The following TRIO variants were observed in gnomAD, a reference collection of about 807,000 sequenced individuals.
The protein encoded by TRIO is triple functional domain protein.
TRIO carries 58 observed loss-of-function variants against 351.9 expected under a neutral mutation model. That is an observed-to-expected ratio of 0.16 (90% CI 0.13 to 0.21). TRIO has a LOEUF of 0.21. TRIO is among the 10% of genes least tolerant of loss of function. The pLI is 1.00. For missense variants in TRIO, 3,201 were observed against 4,027.8 expected, an observed-to-expected ratio of 0.79 and a Z score of 5.56; for synonymous variants, 1,758 against 1,595.7, an observed-to-expected ratio of 1.10 and a Z score of -2.42.
At chr5:14,275,675 C>A (rs1260037861) in intron 2 of TRIO, among the ~76,000 whole-genome samples, 1 of 150,974 alleles carries the variant, frequency 6.6e-6, no homozygotes, top group Non-Finnish European at 1.5e-5. Flanking sequence ...CCGAGATAAA[C>A]AAAAATGTAA....
At chr5:14,477,270 T>G (rs1755152245) in intron 41 of TRIO, 2 of 249,130 alleles carry the variant, frequency 8.0e-6, no homozygotes, top group East Asian at 1.5e-4. Flanking sequence ...TGAGTGGAGA[T>G]GTAACTGTAC....
intron 1 of TRIO, among the ~76,000 whole-genome samples, chr5:14,211,799 G>T (rs957705967): frequency 1.5e-4 from 23 of 151,866 alleles, no homozygotes; most frequent in African/African-American, 5.1e-4. Flanking sequence ...AGTATAAAGA[G>T]AAATATAGTA....
chr5:14,183,225 C>T (rs1020371426), intron 1 of TRIO, among the ~76,000 whole-genome samples: 21 of 152,118 alleles, frequency 1.4e-4, no homozygotes, highest in Non-Finnish European at 7.4e-5. Flanking sequence ...TTCCCTTGCT[C>T]CCCTCCGTTG....
intron 8 of TRIO, among the ~76,000 whole-genome samples, chr5:14,312,535 G>A (rs1739018883): frequency 6.6e-6 from 1 of 152,196 alleles, no homozygotes; most frequent in Non-Finnish European, 1.5e-5. Flanking sequence ...ACTGAAAAAT[G>A]AGCTGATCTG....
chr5:14,392,724 C>T (rs1747201748), intron 27 of TRIO, among the ~76,000 whole-genome samples: 1 of 152,186 alleles, frequency 6.6e-6, no homozygotes, highest in Non-Finnish European at 1.5e-5. Context: ...GGCACATATA[C>T]ACCATGGAAT....
rs768279240 is a variant in TRIO at position 14,364,859 on chromosome 5, G to A, written c.2754+43G>A. 3.8e-5 allele frequency: 60 copies of A among 1,565,740 alleles called. 1 individual carries two copies. The Middle Eastern group carries it at 7.1e-4, about 19-fold the overall frequency. Reference sequence around the variant, plus strand: ...TGCTTGGGGAGGCTGCGCTACAGATGCTTGATACCTCATCGACTTCCCGGA... The same window carrying A: ...TGCTTGGGGAGGCTGCGCTACAGATACTTGATACCTCATCGACTTCCCGGA... On this transcript the variant is annotated intron_variant, in intron 15 of 56. Transcript: ENST00000344204.
intron 1 of TRIO, among the ~76,000 whole-genome samples, chr5:14,245,000 C>T (rs1006587242): frequency 1.1e-4 from 17 of 152,170 alleles, no homozygotes; most frequent in East Asian, 7.7e-4. Flanking sequence ...ACTTGAACAT[C>T]GGGAGCTATG....
chr5:14,432,860 G>T (rs952795468), intron 34 of TRIO, among the ~76,000 whole-genome samples: 3 of 152,130 alleles, frequency 2.0e-5, no homozygotes, highest in Non-Finnish European at 4.4e-5. Flanking sequence ...AGGAGCTGAA[G>T]AATTCAACTT....
At chr5:14,337,400 A>G (rs1741520253) in intron 11 of TRIO, among the ~76,000 whole-genome samples, 1 of 152,230 alleles carries the variant, frequency 6.6e-6, no homozygotes, top group African/African-American at 2.4e-5. Flanking sequence ...GGTGACTACA[A>G]ATTGAGTAGG....
At chr5:14,449,079 C>T (rs1467139269) in intron 34 of TRIO, among the ~76,000 whole-genome samples, 1 of 152,176 alleles carries the variant, frequency 6.6e-6, no homozygotes, top group Non-Finnish European at 1.5e-5. Flanking sequence ...AAAAAGTAAG[C>T]CTCGGCCTAC....
intron 1 of TRIO, among the ~76,000 whole-genome samples, chr5:14,255,595 A>G (rs533027699): frequency 6.6e-6 from 1 of 152,218 alleles, no homozygotes; most frequent in Non-Finnish European, 1.5e-5. Context: ...TGGATTTCAG[A>G]TATTTTTGGA....
Position 14,406,615 on chromosome 5 carries a change from G to A in TRIO, c.4902G>A (p.Gln1634=). 6.2e-7 allele frequency: 1 copy of A among 1,614,138 alleles called. No individual in the cohort carries two copies. The highest frequency in any genetic ancestry group is 8.5e-7 in the Non-Finnish European group (1 of 1,180,012). Residue 1634 remains glutamine (Q), a synonymous_variant, in exon 33 of 57, where the codon CAG becomes CAA. Transcript: ENST00000344204. The part of the protein sequence containing the change: ...DLDSQGDGSS[Q]PDTISIASRT... ...ACAGCCAAGGAGACGGCAGCAGCCA[G>A]CCTGATACGATTTCCATCGCCTCAC...
chr5:14,461,175 G>A lies in TRIO; in HGVS notation c.5360G>A (p.Gly1787Asp). 1 of 1,559,104 alleles carries A rather than the reference G, an allele frequency of 6.4e-7. No individual in the cohort carries two copies. The highest frequency in any genetic ancestry group is 8.7e-7 in the Non-Finnish European group (1 of 1,152,272). ...AGCCCCGTGCGGCGGCTCAGCAGCG[G>A]CAAGGCCGACGGGCACGTGAAGAAG... ...LTSPVRRLSS[G>D]KADGHVKKLA... The change falls in exon 35 of 57, where the codon GGC (glycine) becomes GAC (aspartate). Residue 1787 changes from glycine (G) to aspartate (D), a missense_variant. Transcript: ENST00000344204.
intron 11 of TRIO, among the ~76,000 whole-genome samples, chr5:14,357,425 A>G (rs1442967324): frequency 1.3e-5 from 2 of 152,180 alleles, no homozygotes; most frequent in African/African-American, 4.8e-5. Flanking sequence ...GAGTTAATGG[A>G]CTTTCAGGAA....
chr5:14,428,223 T>C (rs1299801160), intron 34 of TRIO, among the ~76,000 whole-genome samples: 1 of 152,210 alleles, frequency 6.6e-6, no homozygotes, highest in Non-Finnish European at 1.5e-5. Context: ...TTAAAAAGTT[T>C]AGTCGAAAAT....
intron 47 of TRIO, among the ~76,000 whole-genome samples, chr5:14,486,717 C>T (rs1179103544): frequency 6.6e-6 from 1 of 152,108 alleles, no homozygotes; most frequent in East Asian, 1.9e-4. Flanking sequence ...TAAAGGAGAT[C>T]GCTCATGGGC....
intron 7 of TRIO, among the ~76,000 whole-genome samples, chr5:14,301,776 G>A (rs932413939): frequency 3.3e-5 from 5 of 152,140 alleles, no homozygotes; most frequent in Non-Finnish European, 7.4e-5. Context: ...ATCTCGGAAC[G>A]GGGATTGCTG....
At chr5:14,265,447 T>C (rs1179054208) in intron 1 of TRIO, among the ~76,000 whole-genome samples, 1 of 152,310 alleles carries the variant, frequency 6.6e-6, no homozygotes, top group African/African-American at 2.4e-5. Flanking sequence ...ACTTAAAAAA[T>C]TTTAAAATTT....
Position 14,297,152 on chromosome 5 carries a change from C to G in TRIO, c.1257C>G (p.Ile419Met), listed in dbSNP as rs750351439. ...VESGHYASQQ[I>M]RQIASQLEQE... ...CTGGCCACTATGCCTCGCAGCAGAT[C>G]AGGCAGATCGCGAGTCAGCTGGAGC... Residue 419 changes from isoleucine to methionine, a missense_variant, in exon 7 of 57, where the codon ATC (isoleucine) becomes ATG (methionine). Ile to Met is a conservative substitution (Grantham distance 10). Around this residue, in one of 19 missense-constraint regions of TRIO, gnomAD observed 349 missense variants for 449.3 expected, o/e 0.78. Transcript: ENST00000344204. The G allele has an allele frequency of 6.2e-7, 1 of 1,614,210 alleles. No homozygotes were observed. Among genetic ancestry groups the G allele is most frequent in the South Asian group, 1.1e-5 (1 of 91,080 alleles).
Sources: gnomAD v4.1 joint callset for allele counts (sites outside exome capture counted in the v4.1 genomes callset) on GRCh38, gnomAD v4.1.1 for gene constraint, gnomAD v4.1.1 regional missense constraint, MANE v1.5 for transcripts, NCBI Gene and HGNC (gene_info 2026-07-23, HGNC 2026-07-21) for gene names.